TFIP11: variants seen among roughly 807,000 people sequenced by gnomAD.
The protein encoded by TFIP11 is tuftelin-interacting protein 11.
In TFIP11, 86 loss-of-function variants were observed where a neutral mutation model predicts 96.8. That is an observed-to-expected ratio of 0.89 (90% CI 0.75 to 1.06). The LOEUF is 1.06. Among genes scored for constraint, TFIP11 ranks in the 50% least tolerant of loss-of-function variants. The probability of loss-of-function intolerance (pLI) is 0.00; values close to 1 mark genes in which losing one functional copy is unlikely to be tolerated. For missense variants in TFIP11, 881 were observed against 1,076.7 expected, an observed-to-expected ratio of 0.82 and a Z score of 2.54; for synonymous variants, 405 against 395.2, an observed-to-expected ratio of 1.02 and a Z score of -0.29.
chr22:26,499,459 T>G lies in TFIP11; in HGVS notation c.974A>C (p.Gln325Pro). The G allele has an allele frequency of 6.2e-7, 1 of 1,614,212 alleles. No homozygotes were observed. The highest frequency in any genetic ancestry group is 1.3e-5 in the African/African-American group (1 of 75,082). ...CTGCTCCGTGAGGTCGATGAGCAGC[T>G]GCAGGTTGTGCTCCAGCTCGGGCAG... The part of the protein sequence containing the change: ...FALPELEHNL[Q>P]LLIDLTEQEI... The change falls in exon 9 of 15, where the codon CAG becomes CCG. Residue 325 changes from glutamine (Q) to proline (P), a missense_variant. By Grantham distance (76) the Gln-to-Pro change is moderately conservative. Coordinates refer to ENST00000407690, the MANE Select transcript of TFIP11 (RefSeq NM_012143.4).
intron 10 of TFIP11, 29 bp downstream of exon 10, chr22:26,498,840 G>C: frequency 6.3e-7 from 1 of 1,577,846 alleles, no homozygotes; most frequent in Non-Finnish European, 8.7e-7. Flanking sequence ...GAAAGGAGCT[G>C]GGGTACAGAG....
At position 26,492,345 on chromosome 22, in the gene TFIP11, G is replaced by A. The variant is rs374879389; in HGVS notation, c.2182C>T (p.Arg728Trp). The A allele has an allele frequency of 3.4e-5, 55 of 1,614,010 alleles. No homozygotes were observed. Among genetic ancestry groups the A allele is most frequent in the African/African-American group, 9.3e-5 (7 of 74,906 alleles). ...TGGGTGAGATAGGCAATGTTCTCCCGTGCTCCTGGCTGCATGTAGGCACCT... is the reference window on the plus strand; with the variant it reads ...TGGGTGAGATAGGCAATGTTCTCCCATGCTCCTGGCTGCATGTAGGCACCT... Reference protein sequence around the residue: ...NVGAYMQPGARENIAYLTHTE... With the variant: ...NVGAYMQPGAWENIAYLTHTE... Residue 728 changes from arginine to tryptophan, a missense_variant, in exon 15 of 15, where the codon CGG becomes TGG. By Grantham distance (101) the Arg-to-Trp change is moderately radical (BLOSUM62 -3). Coordinates refer to ENST00000407690, the MANE Select transcript of TFIP11 (RefSeq NM_012143.4).
intron 8 of TFIP11, among the ~76,000 whole-genome samples, chr22:26,500,806 C>T (rs1307238778): frequency 4.0e-5 from 6 of 151,448 alleles, no homozygotes; most frequent in African/African-American, 9.7e-5. Context: ...TGACACACTA[C>T]ATATCCTACA....
intron 14 of TFIP11, 126 bp from the exon 15 acceptor site, chr22:26,492,494 T>G: frequency 1.3e-6 from 1 of 799,100 alleles, no homozygotes; most frequent in Non-Finnish European, 2.0e-6. Context: ...CAGCTCTGCC[T>G]CAAAGATACA....
At position 26,492,216 on chromosome 22, in the gene TFIP11, T is replaced by A. The variant is rs1255509340; in HGVS notation, c.2311A>T (p.Met771Leu). The change falls in exon 15 of 15, where the codon ATG becomes TTG. Residue 771 changes from methionine to leucine, a missense_variant. Coordinates refer to ENST00000407690, the MANE Select transcript of TFIP11 (RefSeq NM_012143.4). Reference sequence around the variant, plus strand: ...GTCTCAATGAGGTCCTTAAAGTTCATGGGCACAGAGCTAGCGGCCACGCCA... The same window carrying A: ...GTCTCAATGAGGTCCTTAAAGTTCAAGGGCACAGAGCTAGCGGCCACGCCA... Reference protein sequence around the residue: ...GIGVAASSVPMNFKDLIETKA... With the variant: ...GIGVAASSVPLNFKDLIETKA... 4 of 1,614,244 alleles carry A rather than the reference T, an allele frequency of 2.5e-6. No homozygotes were observed. The highest frequency in any genetic ancestry group is 3.4e-6 in the Non-Finnish European group (4 of 1,180,036).
rs182500565 is a variant in TFIP11 at position 26,503,600 on chromosome 22, G to A, written c.648+66C>T. On this transcript the variant is annotated intron_variant, in intron 7 of 14. Transcript: ENST00000407690. ...CATCTGAGGACTAACAGAATGAAGGGATAAATGAACAGCCATTAGAAATGG... is the reference window on the plus strand; with the variant it reads ...CATCTGAGGACTAACAGAATGAAGGAATAAATGAACAGCCATTAGAAATGG... The A allele has an allele frequency of 1.3e-4, 207 of 1,586,400 alleles. No homozygotes were observed. The African/African-American group carries it at 2.5e-3, about 19-fold the overall frequency.
chr22:26,504,527 A>G (rs1923175683), intron 6 of TFIP11, among the ~76,000 whole-genome samples: 1 of 151,894 alleles, frequency 6.6e-6, no homozygotes, highest in South Asian at 2.1e-4. Flanking sequence ...ACAAAAAAAG[A>G]AAAAATTAGC....
At position 26,491,546 on chromosome 22, in the gene TFIP11, C is replaced by A. The variant is rs1273472324; in HGVS notation, c.*467G>T. ...TTAATGATACCTCTGTCCACTGGTT[C>A]CCTGTGCAAAAGCTAGAACAGCTCT... On this transcript the variant is annotated 3_prime_UTR_variant, in exon 15 of 15. Transcript: ENST00000407690. The A allele has an allele frequency of 6.2e-7, 1 of 1,613,962 alleles. No homozygotes were observed. The highest frequency in any genetic ancestry group is 2.2e-5 in the East Asian group (1 of 44,898).
rs1237678998 is a variant in TFIP11, at chr22:26,499,228, C to T, written c.1205G>A (p.Arg402His). The change falls in exon 9 of 15, where the codon CGC (arginine) becomes CAC (histidine). Residue 402 changes from arginine to histidine, a missense_variant. Arg to His is a conservative substitution (Grantham distance 29). Transcript: ENST00000407690. Reference protein sequence around the residue: ...SNPLTLDECARIFETLQDKYY... With the variant: ...SNPLTLDECAHIFETLQDKYY... ...CTTGTCCTGCAGGGTTTCGAAGATGCGGGCACACTCGTCCAGGGTGAGGGG... is the reference window on the plus strand; with the variant it reads ...CTTGTCCTGCAGGGTTTCGAAGATGTGGGCACACTCGTCCAGGGTGAGGGG... 15 of 1,613,802 alleles carry T rather than the reference C, an allele frequency of 9.3e-6. No homozygotes were observed. The highest frequency in any genetic ancestry group is 2.7e-5 in the African/African-American group (2 of 74,922).
rs1201971917 is a variant in TFIP11 at position 26,491,561 on chromosome 22, A to G, written c.*452T>C. The G allele has an allele frequency of 1.2e-6, 2 of 1,614,054 alleles. No individual in the cohort carries two copies. Among genetic ancestry groups the G allele is most frequent in the African/African-American group, 1.3e-5 (1 of 74,936 alleles). ...TCCACTGGTTCCCTGTGCAAAAGCT[A>G]GAACAGCTCTCCATAGATATTTGGG... On this transcript the variant is annotated 3_prime_UTR_variant, in exon 15 of 15. Transcript: ENST00000407690.
chr22:26,495,985 A>G (rs1364880191), intron 12 of TFIP11, 88 bp downstream of exon 12: 1 of 1,527,694 alleles, frequency 6.5e-7, no homozygotes, highest in African/African-American at 1.4e-5. Context: ...CATGAACATA[A>G]AGGCGATGCT....
chr22:26,510,076 A>G lies in TFIP11; in HGVS notation c.197T>C (p.Phe66Ser), dbSNP rs1475474755. Residue 66 changes from phenylalanine (F) to serine (S), a missense_variant, in exon 4 of 15, where the codon TTT becomes TCT. By Grantham distance (155) the Phe-to-Ser change is radical. Transcript: ENST00000407690. Reference protein sequence around the residue: ...ERDSDDERPSFGGKRARDYSA... With the variant: ...ERDSDDERPSSGGKRARDYSA... ...TGCCAGGCAATACCGTTTGCCTCCA[A>G]AGCTGGGCCTCTCATCATCCGAGTC... The G allele has an allele frequency of 1.2e-6, 2 of 1,613,348 alleles. No individual in the cohort carries two copies. The highest frequency in any genetic ancestry group is 1.7e-6 in the Non-Finnish European group (2 of 1,180,014).
Position 26,499,268 on chromosome 22 carries a change from G to A in TFIP11, c.1165C>T (p.Pro389Ser). The change falls in exon 9 of 15, where the codon CCC becomes TCC. Residue 389 changes from proline to serine, a missense_variant. Physicochemically the swap from Pro to Ser is moderately conservative, Grantham distance 74 (BLOSUM62 -1). Transcript: ENST00000407690. ...AGGGTGAGGGGGTTGCTGCAGTCGG[G>A]CTGCATCCGCCGCTCGCACTCCTCC... is the stretch of plus-strand genomic sequence containing the variant. ...MVEECERRMQ[P>S]DCSNPLTLDE... 6.2e-7 allele frequency: 1 copy of A among 1,613,804 alleles called. No homozygotes were observed. The highest frequency in any genetic ancestry group is 8.5e-7 in the Non-Finnish European group (1 of 1,179,868).
rs143452076 is a variant in TFIP11 at position 26,492,292 on chromosome 22, G to A, written c.2235C>T (p.Tyr745=). The change falls in exon 15 of 15, where the codon TAC becomes TAT. Residue 745 remains tyrosine (Y), a synonymous_variant. Transcript: ENST00000407690. The part of the protein sequence containing the change: ...THTERRKDFQ[Y]EAMQERREAE... ...CCTCCCGCCTCTCCTGCATGGCCTC[G>A]TACTGGAAGTCCTTCCTCCGCTCCG... 5.8e-4 allele frequency: 935 copies of A among 1,614,194 alleles called. 3 individuals carry two copies. The African/African-American group carries it at 9.4e-3, about 16-fold the overall frequency.
At chr22:26,495,986 A>G (rs1921971429) in intron 12 of TFIP11, 87 bp downstream of exon 12, 1 of 1,527,428 alleles carries the variant, frequency 6.5e-7, no homozygotes, top group African/African-American at 1.4e-5. Context: ...ATGAACATAA[A>G]GGCGATGCTT....
At chr22:26,503,337 C>A (rs1012916184) in intron 7 of TFIP11, among the ~76,000 whole-genome samples, 2 of 152,210 alleles carry the variant, frequency 1.3e-5, no homozygotes, top group African/African-American at 4.8e-5. Flanking sequence ...CAAGTCTCAA[C>A]TGAAATGTTT....
In TFIP11 at chr22:26,506,461, T is replaced by C; in HGVS notation, c.364-2A>G. The C allele has an allele frequency of 1.9e-6, 3 of 1,586,712 alleles. No individual in the cohort carries two copies. Among genetic ancestry groups the C allele is most frequent in the Non-Finnish European group, 2.6e-6 (3 of 1,172,956 alleles). On this transcript the variant is annotated splice_acceptor_variant, in intron 5 of 14. Transcript: ENST00000407690. LOFTEE classifies it high-confidence loss of function. Reference sequence around the variant, plus strand: ...CTGGCTGGGCTTAAAATTGCCACCCTGCAAAAAAGAAAAATCAAAGCTTAG... The same window carrying C: ...CTGGCTGGGCTTAAAATTGCCACCCCGCAAAAAAGAAAAATCAAAGCTTAG...
Position 26,491,881 on chromosome 22 carries a change from A to G in TFIP11, c.*132T>C. 3.9e-6 allele frequency: 4 copies of G among 1,032,266 alleles called. No individual in the cohort carries two copies. The highest frequency in any genetic ancestry group is 5.6e-6 in the Non-Finnish European group (4 of 719,284). 63.9% of individuals were successfully genotyped at this position (1,032,266 alleles called of 1,614,324 possible). ...TTGTCCCATTTTACATCCTTCCCTCATGACCTGGCCTGATGTGGAGTAGCT... is the reference window on the plus strand; with the variant it reads ...TTGTCCCATTTTACATCCTTCCCTCGTGACCTGGCCTGATGTGGAGTAGCT... On this transcript the variant is annotated 3_prime_UTR_variant, in exon 15 of 15. Transcript: ENST00000407690.
At position 26,502,046 on chromosome 22, in the gene TFIP11, G is replaced by A. The variant is rs1437654303; in HGVS notation, c.655C>T (p.Gln219Ter). 2 of 1,613,998 alleles carry A rather than the reference G, an allele frequency of 1.2e-6. No individual in the cohort carries two copies. The highest frequency in any genetic ancestry group is 1.7e-6 in the Non-Finnish European group (2 of 1,180,012). Reference sequence around the variant, plus strand: ...TTCCTCCACTGGCTCAGCTCCTTCTGAAACTCCTGAACCAGAAGAATACAG... The same window carrying A: ...TTCCTCCACTGGCTCAGCTCCTTCTAAAACTCCTGAACCAGAAGAATACAG... ...DSEEEAEEEF[Q>*]KELSQWRKDP... is the part of the protein sequence containing the mutation. Residue 219 changes from glutamine to a stop codon, truncating the protein, a stop_gained, in exon 8 of 15, where the codon CAG becomes TAG. Transcript: ENST00000407690. LOFTEE classifies it high-confidence loss of function.
Sources: gnomAD v4.1 joint callset for allele counts (sites outside exome capture counted in the v4.1 genomes callset) on GRCh38, gnomAD v4.1.1 for gene constraint, MANE v1.5 for transcripts, NCBI Gene and HGNC (gene_info 2026-07-23, HGNC 2026-07-21) for gene names.